The following CTNNA3 variants were observed in gnomAD, a reference collection of about 807,000 sequenced individuals.
The protein encoded by CTNNA3 is catenin alpha 3.
Under a neutral mutation model 95.7 loss-of-function variants are expected in CTNNA3, and 76 were observed. The observed-to-expected ratio is 0.79, with a 90% confidence interval of 0.66 to 0.96. CTNNA3 has a LOEUF of 0.96. Among genes scored for constraint, CTNNA3 ranks in the 40% least tolerant of loss-of-function variants. The probability of loss-of-function intolerance (pLI) is 0.00; values close to 1 mark genes in which losing one functional copy is unlikely to be tolerated. For missense variants in CTNNA3, 1,191 were observed against 1,089.8 expected, an observed-to-expected ratio of 1.09 and a Z score of -1.31; for synonymous variants, 431 against 374.4, an observed-to-expected ratio of 1.15 and a Z score of -1.74.
intron 3 of CTNNA3, among the ~76,000 whole-genome samples, chr10:67,572,889 A>C (rs1014379990): frequency 1.3e-5 from 2 of 152,140 alleles, no homozygotes; most frequent in African/African-American, 4.8e-5. Context: ...GGAGTTCAAG[A>C]CCAGCTTGGG....
intron 3 of CTNNA3, among the ~76,000 whole-genome samples, chr10:67,574,801 G>A (rs1842091615): frequency 1.3e-5 from 2 of 151,930 alleles, no homozygotes; most frequent in South Asian, 4.2e-4. Context: ...GGCTGGTCTC[G>A]AACTCCTGAC....
intron 7 of CTNNA3, among the ~76,000 whole-genome samples, chr10:66,806,405 G>T (rs557045296): frequency 6.6e-6 from 1 of 151,988 alleles, no homozygotes; most frequent in East Asian, 1.9e-4. Context: ...AGTCTTTAAA[G>T]ATCACACATT....
At chr10:66,091,540 A>G (rs1041888392) in intron 14 of CTNNA3, among the ~76,000 whole-genome samples, 8 of 152,010 alleles carry the variant, frequency 5.3e-5, no homozygotes, top group African/African-American at 1.9e-4. Context: ...GGGAAAAAAA[A>G]GAACATTAAA....
At chr10:65,944,689 T>C (rs1397600360) in intron 17 of CTNNA3, among the ~76,000 whole-genome samples, 4 of 152,192 alleles carry the variant, frequency 2.6e-5, no homozygotes, top group East Asian at 3.9e-4. Context: ...TCCAGGGATA[T>C]AGACAAGGAA....
At chr10:67,025,164 G>A (rs1589621736) in intron 7 of CTNNA3, among the ~76,000 whole-genome samples, 1 of 147,694 alleles carries the variant, frequency 6.8e-6, no homozygotes. Flanking sequence ...AAGGAAGGAA[G>A]GAAGGAAGGA....
rs75129423 is a variant in CTNNA3 at position 67,106,749 on chromosome 10, C to G, written c.1047+73568G>C. On this transcript the variant is annotated intron_variant, in intron 7 of 17. Coordinates refer to ENST00000433211, the MANE Select transcript of CTNNA3 (RefSeq NM_013266.4). ...CTCATTTAAGGTCCACTGTATAGACCCCAATGCTAAGTTCAAAATTCTACC... is the reference window on the plus strand; with the variant it reads ...CTCATTTAAGGTCCACTGTATAGACGCCAATGCTAAGTTCAAAATTCTACC... 0.011 allele frequency among the ~76,000 whole-genome samples: 1,650 copies of G among 152,144 alleles called. 59 individuals carry two copies. The East Asian group carries it at 0.12, about 11-fold the overall frequency.
intron 9 of CTNNA3, among the ~76,000 whole-genome samples, chr10:66,735,313 C>T (rs1054958746): frequency 1.3e-5 from 2 of 151,858 alleles, no homozygotes; most frequent in African/African-American, 4.8e-5. Context: ...AGGAATAATT[C>T]TTTTAAAAAC....
chr10:67,746,171 A>G (rs1458490888), intron 1 of CTNNA3, among the ~76,000 whole-genome samples: 1 of 152,168 alleles, frequency 6.6e-6, no homozygotes, highest in African/African-American at 2.4e-5. Context: ...TGACTTCAAA[A>G]TTTACTACAA....
intron 9 of CTNNA3, among the ~76,000 whole-genome samples, chr10:66,728,984 C>T (rs372590519): frequency 1.8e-3 from 277 of 152,322 alleles, no homozygotes; most frequent in African/African-American, 6.5e-3. Flanking sequence ...CCAGCACTCT[C>T]AGCATGATTT....
chr10:67,608,555 G>A (rs1247282858), intron 2 of CTNNA3, among the ~76,000 whole-genome samples: 2 of 152,084 alleles, frequency 1.3e-5, no homozygotes, highest in Admixed American at 1.3e-4. Context: ...TGAGAAATGT[G>A]TTAATTAGCT....
At chr10:67,726,662 T>C (rs1438772107) in intron 1 of CTNNA3, among the ~76,000 whole-genome samples, 2 of 74,812 alleles carry the variant, frequency 2.7e-5, no homozygotes, top group Non-Finnish European at 4.5e-5. Flanking sequence ...ATATATTATA[T>C]ATTATATTAA....
At chr10:66,629,576 A>T (rs1845060608) in intron 9 of CTNNA3, among the ~76,000 whole-genome samples, 1 of 152,076 alleles carries the variant, frequency 6.6e-6, no homozygotes, top group Non-Finnish European at 1.5e-5. Context: ...CTTTCTCTAC[A>T]ATATGTTCAC....
chr10:67,617,231 A>C (rs1196871898), intron 2 of CTNNA3, among the ~76,000 whole-genome samples: 1 of 152,094 alleles, frequency 6.6e-6, no homozygotes, highest in Admixed American at 6.6e-5. Flanking sequence ...CTAGCACTCA[A>C]TAGTTATTTT....
chr10:66,045,720 G>A (rs2079815437), intron 15 of CTNNA3, among the ~76,000 whole-genome samples: 1 of 152,066 alleles, frequency 6.6e-6, no homozygotes, highest in African/African-American at 2.4e-5. Context: ...TTATATTGAA[G>A]AACTACTGAA....
chr10:67,165,731 C>T (rs1193305842), intron 7 of CTNNA3, among the ~76,000 whole-genome samples: 1 of 152,098 alleles, frequency 6.6e-6, no homozygotes, highest in East Asian at 1.9e-4. Flanking sequence ...TAGGCTTTCC[C>T]ATATAGCATA....
At chr10:67,648,296 A>T (rs1046643828) in intron 1 of CTNNA3, among the ~76,000 whole-genome samples, 3 of 152,234 alleles carry the variant, frequency 2.0e-5, no homozygotes, top group African/African-American at 7.2e-5. Flanking sequence ...AACTCTAGCC[A>T]TATTTTCAAA....
intron 7 of CTNNA3, among the ~76,000 whole-genome samples, chr10:66,785,621 T>C (rs1840710791): frequency 6.6e-6 from 1 of 152,124 alleles, no homozygotes; most frequent in South Asian, 2.1e-4. Context: ...GTTACACCAT[T>C]GGCTCCCCTG....
At chr10:67,162,893 A>C (rs1179960294) in intron 7 of CTNNA3, among the ~76,000 whole-genome samples, 1 of 152,018 alleles carries the variant, frequency 6.6e-6, no homozygotes, top group East Asian at 1.9e-4. Flanking sequence ...TAGATGAAAT[A>C]AACCAATTCC....
At chr10:66,918,475 AT>A (rs1396991850) in intron 7 of CTNNA3, among the ~76,000 whole-genome samples, 2 of 152,182 alleles carry the variant, frequency 1.3e-5, no homozygotes, top group Non-Finnish European at 2.9e-5. Flanking sequence ...TTGGGGCTGG[AT>A]ATTCTGCTCA....
Sources: gnomAD v4.1 joint callset for allele counts (sites outside exome capture counted in the v4.1 genomes callset) on GRCh38, gnomAD v4.1.1 for gene constraint, MANE v1.5 for transcripts, NCBI Gene and HGNC (gene_info 2026-07-23, HGNC 2026-07-21) for gene names.